Variants in TANC2 observed in about 807,000 individuals in gnomAD.
TANC2 encodes the protein tetratricopeptide repeat, ankyrin repeat and coiled-coil containing 2, also known as protein TANC2.
Under a neutral mutation model 210.5 loss-of-function variants are expected in TANC2, and 26 were observed. The observed-to-expected ratio is 0.12, with a 90% CI of 0.09 to 0.17. TANC2 has a LOEUF of 0.17. Among genes scored for constraint, TANC2 ranks in the 10% least tolerant of loss-of-function variants. The pLI, the probability that TANC2 is intolerant of heterozygous loss-of-function variation, is 1.00. For missense variants in TANC2, 2,129 were observed against 2,608.9 expected (o/e 0.82, Z 4.01); for synonymous variants, 931 against 967.1 (o/e 0.96, Z 0.69).
At chr17:63,408,381 T>G (rs1294683238) in intron 21 of TANC2, among the ~76,000 whole-genome samples, 1 of 152,226 alleles carries the variant, frequency 6.6e-6, no homozygotes, top group Non-Finnish European at 1.5e-5. Context: ...TTTGGAAGTA[T>G]TTAACATATT....
intron 6 of TANC2, among the ~76,000 whole-genome samples, chr17:63,199,021 A>G (rs1482014246): frequency 2.0e-5 from 3 of 152,086 alleles, no homozygotes; most frequent in African/African-American, 4.8e-5. Context: ...GGTTGAGTCA[A>G]ATTTATCTTT....
At chr17:63,337,902 AG>A (rs1296163188) in intron 11 of TANC2, among the ~76,000 whole-genome samples, 1 of 152,172 alleles carries the variant, frequency 6.6e-6, no homozygotes, top group Non-Finnish European at 1.5e-5. Context: ...AGTTTGCTAA[AG>A]ATAGTGGCCT....
At chr17:63,249,246 C>T (rs1318784858) in intron 8 of TANC2, among the ~76,000 whole-genome samples, 2 of 152,140 alleles carry the variant, frequency 1.3e-5, no homozygotes, top group Non-Finnish European at 2.9e-5. Flanking sequence ...GCTGTTCATA[C>T]ACCTTTAAAT....
chr17:63,426,107 T>C (rs1447035630), exon 28 of TANC2: 1 of 152,356 alleles, frequency 6.6e-6, no homozygotes, highest in African/African-American at 2.4e-5. Flanking sequence ...ACCCTGCCTG[T>C]CTGTTCCTGG....
At chr17:63,255,107 T>A (rs956720773) in intron 8 of TANC2, among the ~76,000 whole-genome samples, 52 of 139,046 alleles carry the variant, frequency 3.7e-4, no homozygotes, top group African/African-American at 8.7e-4. Context: ...TTATTTATTT[T>A]TATTTATTTA....
At chr17:63,217,160 A>AAT (rs2042047276) in intron 7 of TANC2, among the ~76,000 whole-genome samples, 1 of 152,194 alleles carries the variant, frequency 6.6e-6, no homozygotes, top group Non-Finnish European at 1.5e-5. Flanking sequence ...TTAAACTAGA[A>AAT]AAATAAGAAG....
At chr17:63,071,972 T>C (rs1446316567) in intron 2 of TANC2, among the ~76,000 whole-genome samples, 2 of 152,286 alleles carry the variant, frequency 1.3e-5, no homozygotes, top group East Asian at 3.9e-4. Flanking sequence ...TTTCAGTTAG[T>C]CACCATGAGT....
chr17:62,984,654 G>A (rs778075775), intron 1 of TANC2, among the ~76,000 whole-genome samples: 1 of 151,884 alleles, frequency 6.6e-6, no homozygotes, highest in Non-Finnish European at 1.5e-5. Flanking sequence ...TTTGTATGTT[G>A]TGTTTCTATT....
chr17:63,075,408 A>G (rs2036535049), intron 3 of TANC2, among the ~76,000 whole-genome samples: 1 of 152,258 alleles, frequency 6.6e-6, no homozygotes, highest in Admixed American at 6.5e-5. Flanking sequence ...CCAGAGGACA[A>G]CTACGTGATC....
intron 1 of TANC2, among the ~76,000 whole-genome samples, chr17:62,974,890 C>G (rs1157677176): frequency 6.6e-6 from 1 of 151,918 alleles, no homozygotes; most frequent in East Asian, 1.9e-4. Context: ...AGTACGTAAG[C>G]AATAATAGTG....
chr17:63,350,859 T>G (rs1295246239), intron 12 of TANC2, among the ~76,000 whole-genome samples: 1 of 144,974 alleles, frequency 6.9e-6, no homozygotes, highest in African/African-American at 2.7e-5. Flanking sequence ...CTATTCTCTT[T>G]AATGCTGTCA....
At chr17:63,175,476 A>T (rs555022888) in intron 5 of TANC2, among the ~76,000 whole-genome samples, 45 of 142,502 alleles carry the variant, frequency 3.2e-4, no homozygotes, top group Admixed American at 1.2e-3. Flanking sequence ...GCAGTGAGCT[A>T]TGTTGGTGCC....
chr17:63,120,640 C>A (rs929532399), intron 4 of TANC2: 1 of 151,836 alleles, frequency 6.6e-6, no homozygotes, highest in Non-Finnish European at 1.5e-5. Context: ...TGGTGAAACC[C>A]TGTCTTTACA....
chr17:63,208,319 G>C (rs1005769229), intron 7 of TANC2, among the ~76,000 whole-genome samples: 1 of 152,064 alleles, frequency 6.6e-6, no homozygotes, highest in African/African-American at 2.4e-5. Context: ...TAAATGTCTA[G>C]GTCTTTTTCT....
At chr17:63,056,666 G>A (rs1161279223) in intron 2 of TANC2, among the ~76,000 whole-genome samples, 3 of 152,104 alleles carry the variant, frequency 2.0e-5, no homozygotes, top group Non-Finnish European at 2.9e-5. Context: ...GTGACAGAGC[G>A]AAACCCTGTC....
intron 9 of TANC2, among the ~76,000 whole-genome samples, chr17:63,290,002 C>G (rs1598784967): frequency 6.6e-6 from 1 of 152,146 alleles, no homozygotes; most frequent in Non-Finnish European, 1.5e-5. Flanking sequence ...TTTCCCTTCT[C>G]CCACAAGGAA....
At chr17:63,051,512 ATG>A (rs2035581507) in intron 2 of TANC2, among the ~76,000 whole-genome samples, 1 of 152,120 alleles carries the variant, frequency 6.6e-6, no homozygotes, top group Non-Finnish European at 1.5e-5. Context: ...AGGGGGATAC[ATG>A]TGGATCTCAC....
At chr17:62,991,667 A>C (rs1423228305) in intron 1 of TANC2, among the ~76,000 whole-genome samples, 1 of 151,844 alleles carries the variant, frequency 6.6e-6, no homozygotes, top group Non-Finnish European at 1.5e-5. Flanking sequence ...AAAAACAAAC[A>C]AAAAAAGCTA....
intron 19 of TANC2, among the ~76,000 whole-genome samples, chr17:63,399,731 A>G (rs2048284938): frequency 2.0e-5 from 3 of 152,236 alleles, no homozygotes; most frequent in African/African-American, 7.2e-5. Context: ...AAGGGTATGC[A>G]TTTGGGTTAG....
Sources: gnomAD v4.1 joint callset for allele counts (sites outside exome capture counted in the v4.1 genomes callset) on GRCh38, gnomAD v4.1.1 for gene constraint, MANE v1.5 for transcripts, NCBI Gene and HGNC (gene_info 2026-07-23, HGNC 2026-07-21) for gene names.